Variants in PLD1 observed in about 807,000 individuals in gnomAD.
PLD1 encodes phospholipase D1, also known as choline phosphatase 1.
Under a neutral mutation model 137.1 loss-of-function variants are expected in PLD1, and 112 were observed. That is an observed-to-expected ratio of 0.82 (90% CI 0.70 to 0.96). PLD1 has a LOEUF of 0.96. Ranked by LOEUF, PLD1 falls within the 40% of genes least tolerant of loss-of-function variation. The pLI is 0.00. For synonymous variants in PLD1, 431 were observed against 454.7 expected (o/e 0.95, Z 0.66); for missense variants, 1,321 against 1,342.0 (o/e 0.98, Z 0.24).
At chr3:171,778,768 TG>T (rs1282076727) in intron 1 of PLD1, among the ~76,000 whole-genome samples, 1 of 152,274 alleles carries the variant, frequency 6.6e-6, no homozygotes, top group East Asian at 1.9e-4. Context: ...CAGTTATGTA[TG>T]GCTTTGTAAA....
At chr3:171,775,549 A>G (rs1178815553) in intron 1 of PLD1, among the ~76,000 whole-genome samples, 5 of 152,164 alleles carry the variant, frequency 3.3e-5, no homozygotes, top group African/African-American at 1.2e-4. Flanking sequence ...CATCTGATTT[A>G]AAGAGGGAAA....
chr3:171,804,719 T>C (rs142989924), intron 1 of PLD1, among the ~76,000 whole-genome samples: 18 of 152,376 alleles, frequency 1.2e-4, no homozygotes, highest in African/African-American at 4.1e-4. Flanking sequence ...TTGTATCTTA[T>C]TGTCCACATG....
intron 1 of PLD1, among the ~76,000 whole-genome samples, chr3:171,738,311 A>C (rs1719532424): frequency 6.6e-6 from 1 of 152,062 alleles, no homozygotes; most frequent in South Asian, 2.1e-4. Flanking sequence ...GAGAAAAAAA[A>C]AAGAAAAAAA....
rs373088379 is a variant in PLD1, at chr3:171,659,319, G to A, written c.2341-18C>T. On this transcript the variant is annotated intron_variant, in intron 20 of 26. Coordinates refer to ENST00000351298, the MANE Select transcript of PLD1 (RefSeq NM_002662.5). ...AACTGGTTCTATGAGAAATAAACAAGACAATCATGTTAGTCTTTATTTTCT... is the reference window on the plus strand; with the variant it reads ...AACTGGTTCTATGAGAAATAAACAAAACAATCATGTTAGTCTTTATTTTCT... The A allele has an allele frequency of 6.7e-7, 1 of 1,495,984 alleles. No homozygotes were observed. Among genetic ancestry groups the A allele is most frequent in the Non-Finnish European group, 9.3e-7 (1 of 1,072,478 alleles). The allele number at this position is 1,495,984 out of a possible 1,614,324, so 92.7% of individuals were successfully genotyped here. A position where few individuals can be genotyped will look rare whatever the true frequency, so the allele number is the denominator to read the frequency against.
At chr3:171,704,617 C>CA (rs1202592800) in intron 11 of PLD1, among the ~76,000 whole-genome samples, 3 of 151,774 alleles carry the variant, frequency 2.0e-5, no homozygotes, top group African/African-American at 7.3e-5. Context: ...AATGAAAAGA[C>CA]AAAAAAGTCT....
In PLD1 at chr3:171,673,134, T is replaced by C. The variant is rs1300789125; in HGVS notation, c.2229+1366A>G. Reference sequence around the variant, plus strand: ...ATATTCTAGCATTGGTAATTTTTTCTCCTCTACGTAGAATAAAATTAAACA... The same window carrying C: ...ATATTCTAGCATTGGTAATTTTTTCCCCTCTACGTAGAATAAAATTAAACA... On this transcript the variant is annotated intron_variant, in intron 19 of 26. Transcript: ENST00000351298. 2.0e-5 allele frequency among the ~76,000 whole-genome samples: 3 copies of C among 152,334 alleles called. No homozygotes were observed. In the East Asian group the frequency reaches 5.8e-4, roughly 29 times the overall value.
intron 23 of PLD1, among the ~76,000 whole-genome samples, chr3:171,631,114 C>A (rs1734624442): frequency 1.3e-5 from 2 of 151,878 alleles, no homozygotes. Flanking sequence ...AAGTTAATAA[C>A]ATAATCCAAG....
intron 1 of PLD1, among the ~76,000 whole-genome samples, chr3:171,766,770 G>C (rs957719251): frequency 5.3e-5 from 8 of 152,116 alleles, no homozygotes; most frequent in Non-Finnish European, 8.8e-5. Flanking sequence ...TTTGGGAAGA[G>C]AAAGTGCTTA....
chr3:171,675,564 A>C (rs1713262856), intron 18 of PLD1, among the ~76,000 whole-genome samples: 1 of 152,108 alleles, frequency 6.6e-6, no homozygotes, highest in African/African-American at 2.4e-5. Flanking sequence ...ACCACCCCAA[A>C]CCTAACTACA....
intron 15 of PLD1, among the ~76,000 whole-genome samples, chr3:171,687,012 A>G (rs1714631974): frequency 6.6e-6 from 1 of 152,254 alleles, no homozygotes; most frequent in Non-Finnish European, 1.5e-5. Context: ...TAAGCTTGAT[A>G]TATTTCTGGA....
At position 171,612,394 on chromosome 3, in the gene PLD1, G is replaced by A. The variant is rs528205914; in HGVS notation, c.2767C>T (p.Arg923Cys). The A allele has an allele frequency of 4.3e-5, 70 of 1,613,892 alleles. No homozygotes were observed. Among genetic ancestry groups the A allele is most frequent in the South Asian group, 1.8e-4 (16 of 91,062 alleles). The part of the protein sequence containing the change: ...NINDRSMLGK[R>C]DSEMAVIVQD... ...ACAATGACAGCCATTTCACTGTCAC[G>A]CTTTCCCAGCATGCTGCGGTCATTT... Residue 923 changes from arginine to cysteine, a missense_variant, in exon 25 of 27, where the codon CGT becomes TGT. Transcript: ENST00000351298. The surrounding 1 kb of genome is among the most constrained non-coding windows in gnomAD (Gnocchi z 4.1).
intron 9 of PLD1, among the ~76,000 whole-genome samples, chr3:171,711,522 A>G (rs928853438): frequency 2.0e-5 from 3 of 152,078 alleles, no homozygotes; most frequent in African/African-American, 7.2e-5. Context: ...ATACCAGAAA[A>G]AAAAGGATAC....
intron 23 of PLD1, among the ~76,000 whole-genome samples, chr3:171,638,116 C>T (rs995441085): frequency 7.0e-5 from 10 of 142,264 alleles, no homozygotes; most frequent in Non-Finnish European, 1.2e-4. Context: ...ACCTGGGAGG[C>T]GGAGCTTGCA....
At chr3:171,733,710 A>G (rs41273595) in intron 5 of PLD1, among the ~76,000 whole-genome samples, 6 of 152,308 alleles carry the variant, frequency 3.9e-5, no homozygotes, top group Admixed American at 3.3e-4. Flanking sequence ...TATTATTTAA[A>G]TATCTTCTTA....
In PLD1 at chr3:171,693,518, G is replaced by C. The variant is rs929078959; in HGVS notation, c.1228-1076C>G. ...TATAGTTCAGAATGTATTACCTCCAGGAAACTGTGGCTTATTCACCCCCAC... is the reference window on the plus strand; with the variant it reads ...TATAGTTCAGAATGTATTACCTCCACGAAACTGTGGCTTATTCACCCCCAC... On this transcript the variant is annotated intron_variant, in intron 12 of 26. Coordinates refer to ENST00000351298, the MANE Select transcript of PLD1 (RefSeq NM_002662.5). Among the ~76,000 whole-genome samples, 67 of 151,944 alleles carry C rather than the reference G, an allele frequency of 4.4e-4. 1 individual carries two copies. Among genetic ancestry groups the C allele is most frequent in the African/African-American group, 1.5e-3 (61 of 41,422 alleles).
chr3:171,746,365 C>T (rs569240600), intron 1 of PLD1, among the ~76,000 whole-genome samples: 1 of 152,342 alleles, frequency 6.6e-6, no homozygotes, highest in East Asian at 1.9e-4. Flanking sequence ...ACTTGGAGAA[C>T]ATTTATGTCT....
intron 1 of PLD1, among the ~76,000 whole-genome samples, chr3:171,780,462 A>G (rs1482773997): frequency 6.6e-6 from 1 of 152,156 alleles, no homozygotes; most frequent in Admixed American, 6.5e-5. Context: ...TGAATAAAGG[A>G]GGGATGTCTG....
At chr3:171,789,877 T>C (rs1332808317) in intron 1 of PLD1, 2 of 152,226 alleles carry the variant, frequency 1.3e-5, no homozygotes, top group Non-Finnish European at 2.9e-5. Flanking sequence ...AATAATAGTA[T>C]GTGATGTGGC....
chr3:171,603,350 C>T, intron 26 of PLD1, 48 bp from the exon 27 acceptor site: 1 of 1,286,076 alleles, frequency 7.8e-7, no homozygotes. Context: ...TAAAAGCGAG[C>T]ACATGGCCTT....
Sources: allele counts gnomAD v4.1 joint callset (sites outside exome capture counted in the v4.1 genomes callset), GRCh38; gene constraint gnomAD v4.1.1; non-coding constraint Gnocchi (gnomAD v3.1); transcripts MANE v1.5; gene names NCBI Gene and HGNC (gene_info 2026-07-23, HGNC 2026-07-21).